POU3F3: variants seen among roughly 807,000 people sequenced by gnomAD.
POU3F3 encodes the protein POU domain, class 3, transcription factor 3.
Under a neutral mutation model 8.6 loss-of-function variants are expected in POU3F3, and 1 was observed. The ratio of observed to expected loss-of-function variants is 0.12; its 90% CI spans 0.04 to 0.55. The LOEUF (loss-of-function observed/expected upper bound fraction) is 0.55. Ranked by LOEUF, POU3F3 falls within the 20% of genes least tolerant of loss-of-function variation. The pLI, the probability that POU3F3 is intolerant of heterozygous loss-of-function variation, is 0.91. For synonymous variants in POU3F3, 418 were observed against 327.4 expected, an observed-to-expected ratio of 1.28 and a Z score of -2.99; for missense variants, 577 against 690.7, an observed-to-expected ratio of 0.84 and a Z score of 1.84.
chr2:104,855,822 CGCCGCCGCCGCCGCCGCT>C lies in POU3F3; in HGVS notation c.329_346del (p.Ala110_Ala115del), dbSNP rs758617812. On this transcript the variant is annotated inframe_deletion, in exon 1 of 1. Transcript: ENST00000361360. ...AGTGGGTCACAGCCCTGCCCCACGCCGCCGCCGCCGCCGCCGCTGCCGCCGCCGCCGCCGTGGAGGCGA... is the reference window on the plus strand; with the variant it reads ...AGTGGGTCACAGCCCTGCCCCACGCCGCCGCCGCCGCCGCCGTGGAGGCGA... 30 of 1,131,960 alleles carry C rather than the reference CGCCGCCGCCGCCGCCGCT, an allele frequency of 2.7e-5. No homozygotes were observed. The highest frequency in any genetic ancestry group is 3.4e-4 in the Middle Eastern group (1 of 2,902). 70.1% of individuals were successfully genotyped at this position (1,131,960 alleles called of 1,614,324 possible).
the POU3F3 span, among the ~76,000 whole-genome samples, chr2:104,872,093 C>T: frequency 6.6e-6 from 1 of 152,234 alleles, no homozygotes; most frequent in South Asian, 2.1e-4. The surrounding 1 kb of genome is among the most constrained non-coding windows in gnomAD (Gnocchi z 4.6). Context: ...CACACACACT[C>T]TTCCTTGCTC....
At chr2:104,875,526 A>C in the POU3F3 span, among the ~76,000 whole-genome samples, 1 of 152,196 alleles carries the variant, frequency 6.6e-6, no homozygotes, top group Admixed American at 6.5e-5. Flanking sequence ...TTTCTTTAGT[A>C]ACAGCCATCC....
the POU3F3 span, among the ~76,000 whole-genome samples, chr2:104,909,526 C>T: frequency 1.3e-5 from 2 of 152,228 alleles, no homozygotes; most frequent in Non-Finnish European, 2.9e-5. Flanking sequence ...CTGTTCCGGC[C>T]GGACATGGCC....
the POU3F3 span, among the ~76,000 whole-genome samples, chr2:104,892,444 CTTAT>C: frequency 6.6e-6 from 1 of 151,946 alleles, no homozygotes; most frequent in Admixed American, 6.6e-5. Flanking sequence ...GATATTCATG[CTTAT>C]TTATTTATTT....
the POU3F3 span, among the ~76,000 whole-genome samples, chr2:104,889,669 G>T: frequency 1.7e-3 from 263 of 152,294 alleles, no homozygotes; most frequent in African/African-American, 5.9e-3. Context: ...CCAACCCTGA[G>T]ACCCACAGTG....
chr2:104,872,353 G>A, the POU3F3 span: 8 of 456,520 alleles, frequency 1.8e-5, no homozygotes, highest in Admixed American at 1.6e-4. This position sits in a 1 kb window ranked among gnomAD's most constrained non-coding sequence, Gnocchi z 4.6. Context: ...ACACACTTCG[G>A]GCTCTGAGCT....
chr2:104,888,343 A>G, the POU3F3 span, among the ~76,000 whole-genome samples: 1 of 152,190 alleles, frequency 6.6e-6, no homozygotes, highest in Non-Finnish European at 1.5e-5. Context: ...GTGCATGTGA[A>G]GCTCTGTGTG....
At chr2:104,860,542 T>A (rs1484338346), downstream of POU3F3, among the ~76,000 whole-genome samples, 1 of 151,894 alleles carries the variant, frequency 6.6e-6, no homozygotes, top group African/African-American at 2.4e-5. Flanking sequence ...CAACCCCCCC[T>A]CCCCTTCCAA....
At chr2:104,885,417 A>G in the POU3F3 span, among the ~76,000 whole-genome samples, 1 of 152,242 alleles carries the variant, frequency 6.6e-6, no homozygotes, top group Admixed American at 6.5e-5. Context: ...GGAGATCAGC[A>G]CGAGGTACAA....
At chr2:104,901,707 G>T in the POU3F3 span, among the ~76,000 whole-genome samples, 1 of 152,214 alleles carries the variant, frequency 6.6e-6, no homozygotes, top group Admixed American at 6.5e-5. Flanking sequence ...GTGTGCTTCT[G>T]CATATATGCA....
At chr2:104,862,877 A>G (rs1292508750), downstream of POU3F3, among the ~76,000 whole-genome samples, 1 of 152,210 alleles carries the variant, frequency 6.6e-6, no homozygotes, top group Non-Finnish European at 1.5e-5. Context: ...AAGCCGTAGG[A>G]GAATACAAAC....
Position 104,855,700 on chromosome 2 carries a change from C to CG in POU3F3, c.196dup (p.Asp66GlyfsTer574). 4 of 1,217,758 alleles carry CG rather than the reference C, an allele frequency of 3.3e-6. No homozygotes were observed. The highest frequency in any genetic ancestry group is 1.6e-5 in the South Asian group (1 of 62,172). 75.4% of individuals were successfully genotyped at this position (1,217,758 alleles called of 1,614,324 possible). A position where few individuals can be genotyped will look rare whatever the true frequency, so the allele number is the denominator to read the frequency against. On this transcript the variant is annotated frameshift_variant, in exon 1 of 1. Transcript: ENST00000361360. LOFTEE classifies it low-confidence loss of function (END_TRUNC). ...CGCCGCCGTGACCTCGGGCGCCTAC[C>CG]GGGGGGACCCGTCCTCTGTCAAGAT...
At chr2:104,906,692 T>C in the POU3F3 span, among the ~76,000 whole-genome samples, 1 of 152,342 alleles carries the variant, frequency 6.6e-6, no homozygotes, top group African/African-American at 2.4e-5. Context: ...CAGATTTTTA[T>C]AGTTTTCTCC....
the POU3F3 span, among the ~76,000 whole-genome samples, chr2:104,893,691 G>A: frequency 6.6e-6 from 1 of 152,216 alleles, no homozygotes; most frequent in East Asian, 1.9e-4. Flanking sequence ...AGACCAGCCT[G>A]CCCAACATGG....
the POU3F3 span, among the ~76,000 whole-genome samples, chr2:104,893,903 A>AT: frequency 2.3e-3 from 355 of 151,840 alleles, 1 homozygote; most frequent in African/African-American, 8.1e-3. Flanking sequence ...AAAAAAAAAA[A>AT]AGATGCAGTG....
Position 104,856,420 on chromosome 2 carries a change from G to A in POU3F3, c.910G>A (p.Gly304Arg). 2 of 1,604,872 alleles carry A rather than the reference G, an allele frequency of 1.2e-6. No individual in the cohort carries two copies. The highest frequency in any genetic ancestry group is 1.7e-6 in the Non-Finnish European group (2 of 1,176,792). Residue 304 changes from glycine (G) to arginine (R), a missense_variant, in exon 1 of 1, where the codon GGA (glycine) becomes AGA (arginine). Around this residue, in one of 7 missense-constraint regions of POU3F3, gnomAD observed 484 missense variants for 422.6 expected, o/e 1.15. Transcript: ENST00000361360. ...HGGGGGGAGP[G>R]LNSHDPHSDE... is the part of the protein sequence containing the mutation. The stretch of plus-strand genomic sequence containing the variant: ...CGGCGGCGGCGGCGGCGCGGGGCCT[G>A]GACTCAACAGCCACGACCCGCACTC...
chr2:104,877,150 A>C, the POU3F3 span, among the ~76,000 whole-genome samples: 2 of 152,100 alleles, frequency 1.3e-5, no homozygotes, highest in African/African-American at 4.8e-5. Context: ...GGGCGCTGGG[A>C]CCCGGAGACC....
chr2:104,872,073 G>GAC, the POU3F3 span, among the ~76,000 whole-genome samples: 396 of 150,036 alleles, frequency 2.6e-3, 1 homozygote, highest in South Asian at 0.011. The surrounding 1 kb of genome is among the most constrained non-coding windows in gnomAD (Gnocchi z 4.6). Flanking sequence ...CACACACACA[G>GAC]ACACACACAC....
chr2:104,873,778 C>T, the POU3F3 span, among the ~76,000 whole-genome samples: 4 of 152,160 alleles, frequency 2.6e-5, no homozygotes, highest in Non-Finnish European at 4.4e-5. Flanking sequence ...CACACACACT[C>T]GAGAACTGAG....
Sources: gnomAD v4.1 joint callset for allele counts (sites outside exome capture counted in the v4.1 genomes callset) on GRCh38, gnomAD v4.1.1 for gene constraint, gnomAD v4.1.1 regional missense constraint, Gnocchi (gnomAD v3.1) non-coding constraint, MANE v1.5 for transcripts, NCBI Gene and HGNC (gene_info 2026-07-23, HGNC 2026-07-21) for gene names.